Variants in LRGUK observed in about 807,000 individuals in gnomAD.
LRGUK encodes leucine-rich repeat and guanylate kinase domain-containing protein.
A neutral mutation model predicts 76.0 loss-of-function variants in LRGUK; 65 were observed. The ratio of observed to expected loss-of-function variants is 0.85; its 90% CI spans 0.70 to 1.05. LRGUK has a LOEUF of 1.05. Among genes scored for constraint, LRGUK ranks in the 50% least tolerant of loss-of-function variants. The pLI, the probability that LRGUK is intolerant of heterozygous loss-of-function variation, is 0.00. For missense variants in LRGUK, 758 were observed against 732.8 expected (o/e 1.03, Z -0.40); for synonymous variants, 268 against 265.6 (o/e 1.01, Z -0.09).
At chr7:134,249,820 G>T (rs1201044413) in intron 18 of LRGUK, among the ~76,000 whole-genome samples, 2 of 152,144 alleles carry the variant, frequency 1.3e-5, no homozygotes, top group Non-Finnish European at 2.9e-5. Flanking sequence ...TTCTCCTTCA[G>T]TTGCTCCTGT....
chr7:134,141,989 G>A (rs1010799127), intron 3 of LRGUK, among the ~76,000 whole-genome samples: 2 of 152,122 alleles, frequency 1.3e-5, no homozygotes, highest in African/African-American at 4.8e-5. Context: ...AAGATACCAG[G>A]AGGCCCCTTA....
chr7:134,193,569 A>C (rs545810940), intron 12 of LRGUK, among the ~76,000 whole-genome samples: 37 of 152,224 alleles, frequency 2.4e-4, no homozygotes, highest in Non-Finnish European at 3.2e-4. Context: ...CCTGTGTTTG[A>C]GAAGTACTTA....
At chr7:134,254,648 G>T (rs566810018) in intron 18 of LRGUK, among the ~76,000 whole-genome samples, 2 of 152,186 alleles carry the variant, frequency 1.3e-5, no homozygotes, top group African/African-American at 4.8e-5. Context: ...CATTACCTTG[G>T]GGATGAGAAT....
intron 15 of LRGUK, among the ~76,000 whole-genome samples, chr7:134,207,813 C>A (rs1426234509): frequency 6.6e-6 from 1 of 152,166 alleles, no homozygotes; most frequent in African/African-American, 2.4e-5. Flanking sequence ...CTGACTGCTC[C>A]ACATTTCAGA....
chr7:134,158,074 A>G, exon 6 of LRGUK: 2 of 1,613,110 alleles, frequency 1.2e-6, no homozygotes, highest in South Asian at 1.1e-5. Context: ...GAGATGTGCA[A>G]CAACCTAATT....
downstream of LRGUK, among the ~76,000 whole-genome samples, chr7:134,211,539 G>A (rs1449672989): frequency 1.3e-5 from 2 of 152,194 alleles, no homozygotes; most frequent in Non-Finnish European, 2.9e-5. Context: ...TTGCATGCAT[G>A]ACTCTGTGAT....
chr7:134,224,779 G>A (rs572923233), intron 16 of LRGUK, among the ~76,000 whole-genome samples: 3 of 152,152 alleles, frequency 2.0e-5, no homozygotes, highest in Admixed American at 6.5e-5. Flanking sequence ...TTGGCTGGGC[G>A]TGGTGGCTCA....
chr7:134,272,639 T>G, the LRGUK span, among the ~76,000 whole-genome samples: 1 of 152,126 alleles, frequency 6.6e-6, no homozygotes, highest in Non-Finnish European at 1.5e-5. Flanking sequence ...ATAATAACAG[T>G]TATAAGCCCT....
downstream of LRGUK, among the ~76,000 whole-genome samples, chr7:134,212,771 G>A (rs375102190): frequency 2.2e-4 from 33 of 152,338 alleles, no homozygotes; most frequent in African/African-American, 7.5e-4. Flanking sequence ...AAGTGATGAG[G>A]ATACTTCAAG....
At chr7:134,200,238 T>C (rs1800711564) in intron 14 of LRGUK, among the ~76,000 whole-genome samples, 1 of 151,526 alleles carries the variant, frequency 6.6e-6, no homozygotes, top group South Asian at 2.1e-4. Context: ...GGTTTAACCA[T>C]GTTGTCCAGG....
In LRGUK at chr7:134,245,247, T is replaced by C. The variant is rs1802271959; in HGVS notation, c.1984-2309T>C. ...AATAAAAAGTTCCTATGACTTCTTATACTCAAACACTACTGGAATGGGAAC... is the reference window on the plus strand; with the variant it reads ...AATAAAAAGTTCCTATGACTTCTTACACTCAAACACTACTGGAATGGGAAC... On this transcript the variant is annotated intron_variant, in intron 16 of 19. Transcript: ENST00000285928. 2.0e-5 allele frequency among the ~76,000 whole-genome samples: 3 copies of C among 152,320 alleles called. No individual in the cohort carries two copies. The South Asian group carries it at 6.2e-4, about 32-fold the overall frequency.
At chr7:134,152,877 A>G (rs1798283880) in intron 5 of LRGUK, among the ~76,000 whole-genome samples, 1 of 152,102 alleles carries the variant, frequency 6.6e-6, no homozygotes, top group South Asian at 2.1e-4. Flanking sequence ...ACACAATAGC[A>G]TATCATACAG....
At chr7:134,220,579 CTTT>C (rs202144898) in intron 15 of LRGUK, among the ~76,000 whole-genome samples, 1 of 145,092 alleles carries the variant, frequency 6.9e-6, no homozygotes, top group Non-Finnish European at 1.5e-5. Flanking sequence ...TCTTCTTCTT[CTTT>C]TTTTTTTTTT....
exon 18 of LRGUK, chr7:134,249,022 T>C: frequency 6.2e-7 from 1 of 1,603,726 alleles, no homozygotes; most frequent in Non-Finnish European, 8.5e-7. Flanking sequence ...TGGAAAAGTT[T>C]TGATCTTTGT....
At chr7:134,139,551 T>C in intron 3 of LRGUK, 34 bp downstream of exon 3, 1 of 1,392,578 alleles carries the variant, frequency 7.2e-7, no homozygotes, top group Non-Finnish European at 1.0e-6. Context: ...GATCACTGAA[T>C]TATCTGAAAA....
At chr7:134,174,372 T>G (rs1241058954) in intron 7 of LRGUK, among the ~76,000 whole-genome samples, 184 bp from the exon 8 acceptor site, 1 of 152,222 alleles carries the variant, frequency 6.6e-6, no homozygotes, top group African/African-American at 2.4e-5. Flanking sequence ...TGCACAGTTA[T>G]AGAAGGGGTA....
intron 10 of LRGUK, among the ~76,000 whole-genome samples, chr7:134,181,916 C>T (rs1157965493): frequency 2.0e-5 from 3 of 152,120 alleles, no homozygotes; most frequent in African/African-American, 7.2e-5. Flanking sequence ...CATGTAGATT[C>T]ATCTTAGCAC....
chr7:134,157,930 A>G, intron 5 of LRGUK, 105 bp from the exon 6 acceptor site: 1 of 911,174 alleles, frequency 1.1e-6, no homozygotes, highest in Non-Finnish European at 1.7e-6. Context: ...ATCGTTCTTT[A>G]TTTAAGCTGT....
intron 11 of LRGUK, among the ~76,000 whole-genome samples, chr7:134,185,738 TA>T (rs1310979050): frequency 3.3e-5 from 5 of 152,106 alleles, no homozygotes; most frequent in Admixed American, 6.5e-5. Flanking sequence ...CTAATGCTAT[TA>T]CAAAAAAACT....
Sources: allele counts gnomAD v4.1 joint callset (sites outside exome capture counted in the v4.1 genomes callset), GRCh38; gene constraint gnomAD v4.1.1; transcripts MANE v1.5; gene names NCBI Gene and HGNC (gene_info 2026-07-23, HGNC 2026-07-21).